MAST3: variants seen among roughly 807,000 people sequenced by gnomAD.
The protein encoded by MAST3 is microtubule-associated serine/threonine-protein kinase 3.
MAST3 carries 43 observed loss-of-function variants against 127.0 expected under a neutral mutation model. That is an observed-to-expected ratio of 0.34 (90% CI 0.27 to 0.44). The LOEUF (loss-of-function observed/expected upper bound fraction) is 0.44. Among genes scored for constraint, MAST3 ranks in the 20% least tolerant of loss-of-function variants. The probability of loss-of-function intolerance (pLI) is 1.00; values close to 1 mark genes in which losing one functional copy is unlikely to be tolerated. For synonymous variants in MAST3, 785 were observed against 809.2 expected (o/e 0.97, Z 0.51); for missense variants, 1,390 against 1,919.1 (o/e 0.72, Z 5.15).
intron 3 of MAST3, among the ~76,000 whole-genome samples, chr19:18,116,129 T>C (rs2039214775): frequency 1.6e-5 from 2 of 123,386 alleles, no homozygotes; most frequent in Non-Finnish European, 3.2e-5. Context: ...AGTCTCGCTC[T>C]ATCACCCAGG....
In MAST3 at chr19:18,144,151, AC is replaced by A; in HGVS notation, c.2584+149del. 2.4e-6 allele frequency: 3 copies of A among 1,229,812 alleles called. No individual in the cohort carries two copies. Among genetic ancestry groups the A allele is most frequent in the Non-Finnish European group, 3.3e-6 (3 of 909,674 alleles). The allele number at this position is 1,229,812 out of a possible 1,614,324, so 76.2% of individuals were successfully genotyped here. ...GAGGAGAAGCCAGGGTCCCAGAGAG[AC>A]CCCCAGCCCCCAAGGAACCCCAGTC... On this transcript the variant is annotated intron_variant, in intron 22 of 27. Coordinates refer to ENST00000687212, the MANE Select transcript of MAST3 (RefSeq NM_001393504.1). The surrounding 1 kb of genome is among the most constrained non-coding windows in gnomAD (Gnocchi z 4.0).
chr19:18,120,369 G>A (rs1599732127), intron 3 of MAST3, among the ~76,000 whole-genome samples: 1 of 152,144 alleles, frequency 6.6e-6, no homozygotes, highest in Middle Eastern at 3.2e-3. Flanking sequence ...ATTTGCTGGT[G>A]CTGCTGGCAG....
chr19:18,140,627 C>T (rs1487346124), intron 20 of MAST3, among the ~76,000 whole-genome samples: 1 of 152,144 alleles, frequency 6.6e-6, no homozygotes. Context: ...CTCAGCATCA[C>T]GTACTCAAGG....
chr19:18,128,336 A>G, intron 11 of MAST3, 64 bp from the exon 12 acceptor site: 1 of 1,385,338 alleles, frequency 7.2e-7, no homozygotes, highest in Non-Finnish European at 9.9e-7. Context: ...GGCCTCAGGA[A>G]ATTGCTGGGT....
chr19:18,145,260 G>A lies in MAST3; in HGVS notation c.3039+31G>A, dbSNP rs368352391. 15 of 1,599,562 alleles carry A rather than the reference G, an allele frequency of 9.4e-6. No homozygotes were observed. The East Asian group carries it at 1.8e-4, about 19-fold the overall frequency. On this transcript the variant is annotated intron_variant, in intron 24 of 27. Transcript: ENST00000687212. This position sits in a 1 kb window ranked among gnomAD's most constrained non-coding sequence, Gnocchi z 5.9. ...TGCCGAGTGGGAATGGCAGGGACCC[G>A]GGTTCTAGTTTGACTCTGCCCGGTC... is the stretch of plus-strand genomic sequence containing the variant.
intron 1 of MAST3, among the ~76,000 whole-genome samples, chr19:18,099,229 G>A (rs941501991): frequency 6.6e-6 from 1 of 151,536 alleles, no homozygotes; most frequent in Non-Finnish European, 1.5e-5. Flanking sequence ...GGGAAGGCAC[G>A]GGCTGAGCTG....
At chr19:18,122,345 G>A (rs895953174) in intron 5 of MAST3, among the ~76,000 whole-genome samples, 1 of 152,042 alleles carries the variant, frequency 6.6e-6, no homozygotes, top group African/African-American at 2.4e-5. Context: ...GGGCATGGTC[G>A]CAAATGGGCA....
At chr19:18,111,298 A>C in intron 3 of MAST3, among the ~76,000 whole-genome samples, 1 of 152,108 alleles carries the variant, frequency 6.6e-6, no homozygotes, top group Non-Finnish European at 1.5e-5. Flanking sequence ...CCCGGGGGCC[A>C]AGCATCAGGG....
chr19:18,132,928 C>G (rs1169615047), intron 15 of MAST3, among the ~76,000 whole-genome samples: 1 of 152,172 alleles, frequency 6.6e-6, no homozygotes, highest in Non-Finnish European at 1.5e-5. Flanking sequence ...CATAGTGAAA[C>G]CTTGTCTCTA....
rs1300972633 is a variant in MAST3, at chr19:18,121,842, C to T, written c.251-11C>T. The stretch of plus-strand genomic sequence containing the variant: ...CCCGCTGACTCAGTTTCCCCGCCTC[C>T]TCCTCAGCAGGCAGCAGCCCCTTGG... On this transcript the variant is annotated splice_polypyrimidine_tract_variant and intron_variant, in intron 4 of 27. Transcript: ENST00000687212. The T allele has an allele frequency of 4.3e-6, 7 of 1,614,018 alleles. No homozygotes were observed. The highest frequency in any genetic ancestry group is 5.1e-6 in the Non-Finnish European group (6 of 1,179,884).
At chr19:18,104,130 A>T (rs1194787960) in intron 1 of MAST3, among the ~76,000 whole-genome samples, 2 of 135,274 alleles carry the variant, frequency 1.5e-5, no homozygotes, top group Non-Finnish European at 3.1e-5. Flanking sequence ...CAGTGAGCCA[A>T]GATTGCACCA....
In MAST3 at chr19:18,146,956, G is replaced by T; in HGVS notation, c.3238G>T (p.Val1080Leu). The T allele has an allele frequency of 6.4e-7, 1 of 1,562,532 alleles. No homozygotes were observed. The highest frequency in any genetic ancestry group is 8.7e-7 in the Non-Finnish European group (1 of 1,153,386). Residue 1080 changes from valine (V) to leucine (L), a missense_variant, in exon 26 of 28, where the codon GTG becomes TTG. Physicochemically the swap from Val to Leu is conservative, Grantham distance 32. This residue lies in a region of MAST3 where 816 missense variants were observed against 934.1 expected (regional missense o/e 0.87). Transcript: ENST00000687212. ...CAAGGTGGGCCCCGCCCGGAAGAAT[G>T]TGGCCAAGGGCCGCATGGCACGCAG... Reference protein sequence around the residue: ...SIKVGPARKNVAKGRMARRSK... With the variant: ...SIKVGPARKNLAKGRMARRSK...
rs147729202 is a variant in MAST3, at chr19:18,147,551, C to T, written c.3435C>T (p.Pro1145=). 866 of 1,596,830 alleles carry T rather than the reference C, an allele frequency of 5.4e-4. 4 individuals are homozygous for T. In the African/African-American group the frequency reaches 8.5e-3, roughly 16 times the overall value. ...CACTGTCATCCAGTGAGAGCCTCCC[C>T]GGCTCGCCCACCCACAGCCTCTCCC... ...HHSLSSSESL[P]GSPTHSLSPS... Residue 1145 remains proline (P), a synonymous_variant, in exon 27 of 28, where the codon CCC becomes CCT. Transcript: ENST00000687212.
intron 11 of MAST3, among the ~76,000 whole-genome samples, chr19:18,125,498 T>G (rs1481702478): frequency 7.1e-6 from 1 of 140,880 alleles, no homozygotes; most frequent in Non-Finnish European, 1.5e-5. Flanking sequence ...TCCCAGCACT[T>G]TTGGGAGGCC....
Position 18,151,276 on chromosome 19 carries a change from C to T in MAST3, c.*1550C>T, listed in dbSNP as rs1334883663. The T allele has an allele frequency of 1.3e-5, 2 of 152,216 alleles. No individual in the cohort carries two copies. Among genetic ancestry groups the T allele is most frequent in the East Asian group, 1.9e-4 (1 of 5,196 alleles). The allele number at this position is 152,216 out of a possible 1,614,324, so 9.4% of individuals were successfully genotyped here. On this transcript the variant is annotated 3_prime_UTR_variant, in exon 28 of 28. Transcript: ENST00000687212. Reference sequence around the variant, plus strand: ...CCAAGCGCTTTTACGTGGCTTCTCCCTCAGCCAGCCTTGAGAAGGCTGGAG... The same window carrying T: ...CCAAGCGCTTTTACGTGGCTTCTCCTTCAGCCAGCCTTGAGAAGGCTGGAG...
At chr19:18,137,387 G>C (rs1183752197) in intron 19 of MAST3, 26 bp downstream of exon 19, 2 of 1,606,232 alleles carry the variant, frequency 1.2e-6, no homozygotes, top group Admixed American at 1.7e-5. Flanking sequence ...CCTGGAGGGG[G>C]GGCGGGGGGT....
chr19:18,125,320 T>G (rs2040486618), intron 11 of MAST3, among the ~76,000 whole-genome samples: 1 of 152,230 alleles, frequency 6.6e-6, no homozygotes, highest in Admixed American at 6.5e-5. Flanking sequence ...GGACCAGTGT[T>G]AGCAGTGGCC....
chr19:18,111,530 C>T (rs1262496216), intron 3 of MAST3, among the ~76,000 whole-genome samples: 51 of 103,228 alleles, frequency 4.9e-4, no homozygotes, highest in African/African-American at 1.0e-3. Context: ...TTTCCACAGA[C>T]TTTTTTTTTT....
intron 1 of MAST3, among the ~76,000 whole-genome samples, chr19:18,098,067 G>T (rs1332117837): frequency 6.6e-6 from 1 of 152,154 alleles, no homozygotes; most frequent in African/African-American, 2.4e-5. Flanking sequence ...AAGCGATGGC[G>T]TGGGAGGAAG....
Sources: allele counts gnomAD v4.1 joint callset (sites outside exome capture counted in the v4.1 genomes callset), GRCh38; gene constraint gnomAD v4.1.1; regional missense constraint gnomAD v4.1.1; non-coding constraint Gnocchi (gnomAD v3.1); transcripts MANE v1.5; gene names NCBI Gene and HGNC (gene_info 2026-07-23, HGNC 2026-07-21).